Variants in FRMD6 observed in about 807,000 individuals in gnomAD.
FRMD6 encodes the protein FERM domain containing 6.
In FRMD6, 37 loss-of-function variants were observed where a neutral mutation model predicts 73.2. The observed-to-expected ratio is 0.51, with a 90% CI of 0.39 to 0.66. The LOEUF (loss-of-function observed/expected upper bound fraction) is 0.66, where lower values mean the gene tolerates loss of function less well. FRMD6 is among the 30% of genes least tolerant of loss of function. FRMD6 has a pLI of 0.00. For missense variants in FRMD6, 714 were observed against 780.5 expected (o/e 0.91, Z 1.02); for synonymous variants, 273 against 282.2 (o/e 0.97, Z 0.33).
At chr14:51,501,707 A>T (rs920020810) in intron 1 of FRMD6, among the ~76,000 whole-genome samples, 2 of 151,364 alleles carry the variant, frequency 1.3e-5, no homozygotes, top group East Asian at 1.9e-4. Flanking sequence ...ATAATAAAAC[A>T]ATATATATAT....
At chr14:51,423,719 C>A in the FRMD6 span, among the ~76,000 whole-genome samples, 23 of 152,170 alleles carry the variant, frequency 1.5e-4, no homozygotes, top group Non-Finnish European at 3.1e-4. Context: ...TGACCACACT[C>A]CTATTTCTTT....
At chr14:51,718,376 C>T (rs1194928247) in intron 10 of FRMD6, among the ~76,000 whole-genome samples, 2 of 152,158 alleles carry the variant, frequency 1.3e-5, no homozygotes, top group East Asian at 3.8e-4. Context: ...AGTAAAAAGG[C>T]TATATGTAAA....
At chr14:51,496,636 G>A (rs576863848) in intron 1 of FRMD6, among the ~76,000 whole-genome samples, 1 of 152,278 alleles carries the variant, frequency 6.6e-6, no homozygotes, top group South Asian at 2.1e-4. Flanking sequence ...ACATTCTATT[G>A]GGTAAAACAA....
intron 2 of FRMD6, among the ~76,000 whole-genome samples, chr14:51,584,803 G>A (rs1888930965): frequency 6.6e-6 from 1 of 151,948 alleles, no homozygotes; most frequent in Admixed American, 6.6e-5. Flanking sequence ...AATTATAGTG[G>A]TAAAGGGTAT....
At chr14:51,694,508 A>G (rs976199812) in intron 2 of FRMD6, among the ~76,000 whole-genome samples, 4 of 152,098 alleles carry the variant, frequency 2.6e-5, no homozygotes, top group African/African-American at 9.7e-5. Context: ...TGGGCAACAT[A>G]GTGAGACCCC....
At chr14:51,696,104 T>G (rs1446717341) in intron 2 of FRMD6, among the ~76,000 whole-genome samples, 1 of 151,796 alleles carries the variant, frequency 6.6e-6, no homozygotes, top group African/African-American at 2.4e-5. Context: ...AATGATAAAC[T>G]GTCATGTTAC....
intron 1 of FRMD6, among the ~76,000 whole-genome samples, chr14:51,667,039 C>T (rs142472074): frequency 1.7e-4 from 26 of 151,970 alleles, no homozygotes; most frequent in East Asian, 5.8e-4. Context: ...GAGATTGAGG[C>T]GGGAGGATTG....
chr14:51,470,214 C>A, the FRMD6 span, among the ~76,000 whole-genome samples: 1 of 151,846 alleles, frequency 6.6e-6, no homozygotes, highest in Non-Finnish European at 1.5e-5. Context: ...TTTTTTAAAT[C>A]TTTTTTAAAA....
rs1895934764 is a variant in FRMD6, at chr14:51,696,219, G to C, written c.100-1923G>C. ...AGTGATATGACTTTAAGCTTTCTGA[G>C]TTTTATTTTCAGAAAATAAATTGAC... is the stretch of plus-strand genomic sequence containing the variant. On this transcript the variant is annotated intron_variant, in intron 2 of 13. Transcript: ENST00000344768. Among the ~76,000 whole-genome samples, 3 of 151,410 alleles carry C rather than the reference G, an allele frequency of 2.0e-5. No homozygotes were observed. The South Asian group carries it at 6.2e-4, about 31-fold the overall frequency.
At chr14:51,566,931 C>G (rs1887806121) in intron 1 of FRMD6, among the ~76,000 whole-genome samples, 1 of 152,164 alleles carries the variant, frequency 6.6e-6, no homozygotes, top group Non-Finnish European at 1.5e-5. Flanking sequence ...CACAGGCCCC[C>G]TATGCAGGAG....
chr14:51,504,673 C>T (rs1356932539), intron 1 of FRMD6, among the ~76,000 whole-genome samples: 1 of 152,180 alleles, frequency 6.6e-6, no homozygotes, highest in Non-Finnish European at 1.5e-5. Context: ...CCTGCTACTG[C>T]TACCTGGTAA....
At chr14:51,682,620 A>G (rs1278702858) in intron 1 of FRMD6, among the ~76,000 whole-genome samples, 2 of 152,228 alleles carry the variant, frequency 1.3e-5, no homozygotes, top group African/African-American at 2.4e-5. Context: ...TGATGCAATC[A>G]GGATTCTTTC....
In FRMD6 at chr14:51,569,743, G is replaced by A. The variant is rs145788443; in HGVS notation, c.-209-605G>A. ...TCTCAAACTCCTAGGCTCAAGTGAT[G>A]TGCCCATGTCAGCCTCCCAAAGAGC... On this transcript the variant is annotated intron_variant, in intron 1 of 14. Transcript: ENST00000356218. 8.1e-3 allele frequency among the ~76,000 whole-genome samples: 1,221 copies of A among 151,146 alleles called. 9 individuals carry two copies. The highest frequency in any genetic ancestry group is 0.014 in the Middle Eastern group (4 of 294).
chr14:51,637,621 G>A (rs1891631209), intron 2 of FRMD6: 1 of 152,046 alleles, frequency 6.6e-6, no homozygotes, highest in South Asian at 2.1e-4. Flanking sequence ...ACATTTTACT[G>A]TACCACACAT....
the FRMD6 span, chr14:51,437,051 T>C: frequency 2.2e-6 from 1 of 444,890 alleles, no homozygotes; most frequent in East Asian, 5.7e-5. Flanking sequence ...GTTTGTTACA[T>C]AGGTATACAT....
chr14:51,594,549 G>A (rs796533967), intron 2 of FRMD6, among the ~76,000 whole-genome samples: 6 of 151,376 alleles, frequency 4.0e-5, no homozygotes, highest in South Asian at 2.1e-4. Flanking sequence ...GGCTGGTCTC[G>A]AACTCCCGAC....
intron 3 of FRMD6, among the ~76,000 whole-genome samples, chr14:51,700,737 G>A (rs1896257149): frequency 6.6e-6 from 1 of 151,960 alleles, no homozygotes; most frequent in Non-Finnish European, 1.5e-5. Flanking sequence ...CACCCACAGT[G>A]TTAGAAGTTA....
At chr14:51,718,843 C>T (rs533627410) in intron 10 of FRMD6, among the ~76,000 whole-genome samples, 24 of 152,124 alleles carry the variant, frequency 1.6e-4, no homozygotes, top group African/African-American at 5.3e-4. Context: ...TCCTAGAAGG[C>T]GCATCTTTTC....
intron 1 of FRMD6, among the ~76,000 whole-genome samples, chr14:51,506,068 G>A (rs1054904098): frequency 1.3e-5 from 2 of 152,002 alleles, no homozygotes; most frequent in African/African-American, 4.8e-5. Flanking sequence ...CACAGAGCCT[G>A]TCTCCATCTA....
Sources: gnomAD v4.1 joint callset for allele counts (sites outside exome capture counted in the v4.1 genomes callset) on GRCh38, gnomAD v4.1.1 for gene constraint, MANE v1.5 for transcripts, NCBI Gene and HGNC (gene_info 2026-07-23, HGNC 2026-07-21) for gene names.